Variants in SEMA3C observed in about 807,000 individuals in gnomAD.
SEMA3C encodes semaphorin 3C, also known as semaphorin-3C.
In SEMA3C, 47 loss-of-function variants were observed where a neutral mutation model predicts 89.4. That is an observed-to-expected ratio of 0.53 (90% CI 0.42 to 0.67). SEMA3C has a LOEUF of 0.67. SEMA3C is among the 30% of genes least tolerant of loss of function. The pLI is 0.00. For missense variants in SEMA3C, 839 were observed against 929.1 expected (o/e 0.90, Z 1.26); for synonymous variants, 310 against 320.2 (o/e 0.97, Z 0.34).
At chr7:80,835,166 G>T (rs1468094766) in intron 2 of SEMA3C, among the ~76,000 whole-genome samples, 1 of 152,120 alleles carries the variant, frequency 6.6e-6, no homozygotes, top group Non-Finnish European at 1.5e-5. Context: ...AGCATATGCA[G>T]TAACTACTCA....
intron 17 of SEMA3C, 66 bp from the exon 18 acceptor site, chr7:80,745,373 T>A: frequency 7.0e-7 from 1 of 1,428,832 alleles, no homozygotes; most frequent in Non-Finnish European, 9.7e-7. Flanking sequence ...ATGACCAACA[T>A]ACACAGAATA....
rs111994107 is a variant in SEMA3C at position 80,802,487 on chromosome 7, G to A, written c.916+178C>T. Among the ~76,000 whole-genome samples, 293 of 152,102 alleles carry A rather than the reference G, an allele frequency of 1.9e-3. 3 individuals are homozygous for A. The highest frequency in any genetic ancestry group is 3.2e-3 in the Non-Finnish European group (220 of 67,966). The stretch of plus-strand genomic sequence containing the variant: ...ATGTTTCAGCAGTGCACTCATGGGC[G>A]TAACAGATTACAAAATACTTAAGAA... On this transcript the variant is annotated intron_variant, in intron 9 of 17. Transcript: ENST00000265361.
At chr7:80,888,477 T>C (rs114553790) in intron 2 of SEMA3C, among the ~76,000 whole-genome samples, 1,586 of 152,006 alleles carry the variant, frequency 0.01, 24 homozygotes, top group African/African-American at 0.036. Flanking sequence ...AATAAATAAA[T>C]AAATAAATAG....
intron 2 of SEMA3C, 128 bp downstream of exon 2, chr7:80,916,551 C>T (rs1437997334): frequency 3.8e-5 from 29 of 760,568 alleles, no homozygotes; most frequent in Admixed American, 6.9e-5. Context: ...TCCTCCAAAA[C>T]GCAGCCCAGT....
At chr7:80,769,687 G>T (rs1388251436) in intron 12 of SEMA3C, among the ~76,000 whole-genome samples, 3 of 151,870 alleles carry the variant, frequency 2.0e-5, no homozygotes, top group Non-Finnish European at 2.9e-5. Flanking sequence ...GCGAAACCCT[G>T]TCTCTACTAA....
intron 14 of SEMA3C, among the ~76,000 whole-genome samples, chr7:80,761,338 G>A (rs746810488): frequency 9.9e-5 from 15 of 152,024 alleles, no homozygotes; most frequent in African/African-American, 2.7e-4. Flanking sequence ...TTCACACACC[G>A]TAATATTTGA....
intron 13 of SEMA3C, among the ~76,000 whole-genome samples, chr7:80,763,944 G>C (rs1264890897): frequency 1.3e-5 from 2 of 152,132 alleles, no homozygotes; most frequent in Non-Finnish European, 2.9e-5. Context: ...CAATCACAAA[G>C]AACCTGTGCC....
intron 4 of SEMA3C, among the ~76,000 whole-genome samples, chr7:80,823,421 G>T (rs1252748309): frequency 6.6e-6 from 1 of 152,048 alleles, no homozygotes; most frequent in Non-Finnish European, 1.5e-5. Flanking sequence ...AAAGATTGTT[G>T]TATTGAAAAT....
At chr7:80,805,825 A>T in intron 6 of SEMA3C, 67 bp from the exon 7 acceptor site, 1 of 1,156,934 alleles carries the variant, frequency 8.6e-7, no homozygotes. Context: ...AGGTGAGTTT[A>T]TTTATTAGGA....
chr7:80,889,600 T>C (rs1419022099), intron 2 of SEMA3C, among the ~76,000 whole-genome samples: 1 of 152,160 alleles, frequency 6.6e-6, no homozygotes, highest in Non-Finnish European at 1.5e-5. Context: ...AGTAAAAGTA[T>C]AGATTATTTT....
intron 2 of SEMA3C, among the ~76,000 whole-genome samples, chr7:80,913,216 C>T (rs551094283): frequency 2.2e-4 from 33 of 152,204 alleles, no homozygotes; most frequent in South Asian, 1.7e-3. Flanking sequence ...GCCGGGCCAA[C>T]GTGGTGAAAC....
At chr7:80,907,919 TAA>T (rs1435008435) in intron 2 of SEMA3C, among the ~76,000 whole-genome samples, 1 of 152,072 alleles carries the variant, frequency 6.6e-6, no homozygotes, top group African/African-American at 2.4e-5. Flanking sequence ...ATCATCCTGT[TAA>T]GTTTCTTTAT....
chr7:80,776,232 G>C (rs182313618), intron 12 of SEMA3C, among the ~76,000 whole-genome samples: 1 of 147,906 alleles, frequency 6.8e-6, no homozygotes, highest in East Asian at 2.0e-4. Flanking sequence ...CTCATTAACA[G>C]ACCAGTTAAT....
At chr7:80,814,692 A>T (rs553271131) in intron 5 of SEMA3C, among the ~76,000 whole-genome samples, 4 of 152,252 alleles carry the variant, frequency 2.6e-5, no homozygotes, top group African/African-American at 9.6e-5. Flanking sequence ...TGGTCTCTTC[A>T]TTCTCATCTC....
chr7:80,911,855 G>C (rs1021383552), intron 2 of SEMA3C, among the ~76,000 whole-genome samples: 9 of 151,994 alleles, frequency 5.9e-5, no homozygotes, highest in African/African-American at 2.2e-4. Context: ...GCATGATCTT[G>C]ATCTCCTGAC....
Position 80,748,985 on chromosome 7 carries a change from A to C in SEMA3C, c.1755T>G (p.Asn585Lys), listed in dbSNP as rs1787863200. 6.2e-7 allele frequency: 1 copy of C among 1,613,116 alleles called. No homozygotes were observed. The highest frequency in any genetic ancestry group is 8.5e-7 in the Non-Finnish European group (1 of 1,179,552). ...GGGCACACTCCAGAAAAGTGGTGTTATTTTTTACTCCATACTGGACAATTT... is the reference window on the plus strand; with the variant it reads ...GGGCACACTCCAGAAAAGTGGTGTTCTTTTTTACTCCATACTGGACAATTT... ...AAEIVQYGVK[N>K]NTTFLECAPK... Residue 585 changes from asparagine (N) to lysine (K), a missense_variant, in exon 17 of 18, where the codon AAT (asparagine) becomes AAG (lysine). Coordinates refer to ENST00000265361, the MANE Select transcript of SEMA3C (RefSeq NM_006379.5).
chr7:80,911,250 C>A (rs984643028), intron 2 of SEMA3C, among the ~76,000 whole-genome samples: 1 of 152,098 alleles, frequency 6.6e-6, no homozygotes, highest in African/African-American at 2.4e-5. Flanking sequence ...TCATTGTGAT[C>A]TTTGTGGATC....
At chr7:80,831,636 T>G (rs1476999630) in intron 2 of SEMA3C, among the ~76,000 whole-genome samples, 1 of 152,166 alleles carries the variant, frequency 6.6e-6, no homozygotes, top group African/African-American at 2.4e-5. Context: ...AATTTGAGTA[T>G]GCAGGGTAAT....
intron 14 of SEMA3C, among the ~76,000 whole-genome samples, chr7:80,760,120 C>T (rs1046507794): frequency 5.9e-5 from 9 of 152,060 alleles, no homozygotes; most frequent in African/African-American, 1.9e-4. Flanking sequence ...ATTTGTAGTC[C>T]TCTCGCACTG....
Sources: gnomAD v4.1 joint callset for allele counts (sites outside exome capture counted in the v4.1 genomes callset) on GRCh38, gnomAD v4.1.1 for gene constraint, MANE v1.5 for transcripts, NCBI Gene and HGNC (gene_info 2026-07-23, HGNC 2026-07-21) for gene names.